LASP1: variants seen among roughly 807,000 people sequenced by gnomAD.
LASP1 encodes the protein LIM and SH3 domain protein 1.
A neutral mutation model predicts 38.6 loss-of-function variants in LASP1; 10 were observed. That is an observed-to-expected ratio of 0.26 (90% CI 0.16 to 0.44). LASP1 has a LOEUF of 0.44. Among genes scored for constraint, LASP1 ranks in the 20% least tolerant of loss-of-function variants. The pLI is 1.00. For missense variants in LASP1, 243 were observed against 375.7 expected (o/e 0.65, Z 2.92); for synonymous variants, 132 against 140.8 (o/e 0.94, Z 0.44).
At chr17:38,872,332 G>A (rs1465297015) in intron 1 of LASP1, among the ~76,000 whole-genome samples, 1 of 152,120 alleles carries the variant, frequency 6.6e-6, no homozygotes, top group East Asian at 1.9e-4. Flanking sequence ...CCGTGTACCC[G>A]AGGGGAGGGG....
intron 3 of LASP1, among the ~76,000 whole-genome samples, chr17:38,897,919 G>T (rs771564472): frequency 8.5e-5 from 13 of 152,324 alleles, no homozygotes; most frequent in Non-Finnish European, 1.6e-4. Context: ...CTAACATGAG[G>T]GCTGGGGCCA....
At chr17:38,871,416 C>T (rs945992071) in intron 1 of LASP1, among the ~76,000 whole-genome samples, 1 of 152,094 alleles carries the variant, frequency 6.6e-6, no homozygotes, top group African/African-American at 2.4e-5. Flanking sequence ...GTCTTTCATC[C>T]ACCACCCAAA....
Position 38,878,079 on chromosome 17 carries a change from T to A in LASP1, c.70-7T>A. 5.0e-6 allele frequency: 8 copies of A among 1,608,734 alleles called. No homozygotes were observed. The highest frequency in any genetic ancestry group is 6.8e-6 in the Non-Finnish European group (8 of 1,175,202). On this transcript the variant is annotated splice_region_variant and splice_polypyrimidine_tract_variant and intron_variant, in intron 1 of 6. Transcript: ENST00000318008. ...TCTGATGTATGTCCTCCTGTCTCCATCCCCAGTTCTGGCATAAAGCATGCT... is the reference window on the plus strand; with the variant it reads ...TCTGATGTATGTCCTCCTGTCTCCAACCCCAGTTCTGGCATAAAGCATGCT...
chr17:38,912,419 AGTAGGGCCAGGGTGCCACAGGGTCAGG>A (rs1297758233), intron 4 of LASP1, among the ~76,000 whole-genome samples: 5 of 149,948 alleles, frequency 3.3e-5, no homozygotes, highest in African/African-American at 1.2e-4. Flanking sequence ...ATAGGGTCAG[AGTAGGGCCAGGGTGCCACAGGGTCAGG>A]GTAGGGCCAG....
intron 2 of LASP1, 67 bp from the exon 3 acceptor site, chr17:38,890,351 CTG>C: frequency 7.0e-7 from 1 of 1,437,646 alleles, no homozygotes; most frequent in Admixed American, 1.7e-5. Flanking sequence ...AGGGCATGCT[CTG>C]TGAGAAGCCC....
chr17:38,900,197 C>CAAAAAAAAA (rs56008544), intron 4 of LASP1, among the ~76,000 whole-genome samples: 22 of 67,558 alleles, frequency 3.3e-4, no homozygotes, highest in East Asian at 4.6e-4. Context: ...ACTGTTTCTA[C>CAAAAAAAAA]AAAAAAAAAA....
At chr17:38,876,552 C>G (rs373332483) in intron 1 of LASP1, among the ~76,000 whole-genome samples, 1 of 151,236 alleles carries the variant, frequency 6.6e-6, no homozygotes, top group Non-Finnish European at 1.5e-5. Flanking sequence ...TTAGTAGATA[C>G]GGGGTTTCAC....
chr17:38,913,669 C>G (rs565158336), intron 4 of LASP1, among the ~76,000 whole-genome samples: 4 of 151,950 alleles, frequency 2.6e-5, no homozygotes, highest in African/African-American at 9.7e-5. Context: ...TGGACCCAGG[C>G]GGAAACAGAG....
chr17:38,871,397 C>T (rs989102761), intron 1 of LASP1, among the ~76,000 whole-genome samples: 2 of 151,982 alleles, frequency 1.3e-5, no homozygotes, highest in Non-Finnish European at 2.9e-5. Flanking sequence ...TTGTGCCCTT[C>T]CTCACCGCGT....
chr17:38,904,127 G>A (rs1914715249), intron 4 of LASP1, among the ~76,000 whole-genome samples: 1 of 152,090 alleles, frequency 6.6e-6, no homozygotes, highest in Non-Finnish European at 1.5e-5. Flanking sequence ...CACCAGGCAG[G>A]TATACCATAC....
In LASP1 at chr17:38,905,941, T is replaced by A. The variant is rs144550214; in HGVS notation, c.357+7422T>A. Among the ~76,000 whole-genome samples, 1,459 of 152,222 alleles carry A rather than the reference T, an allele frequency of 9.6e-3. 21 individuals are homozygous for A. The highest frequency in any genetic ancestry group is 0.033 in the African/African-American group (1,367 of 41,532). On this transcript the variant is annotated intron_variant, in intron 4 of 6. Transcript: ENST00000318008. ...CGTGCATGGTGGCATCCACCTGTAG[T>A]CCCAGCTACTCGAGCGGCTGAGGTG...
rs1915294979 is a variant in LASP1 at position 38,921,425 on chromosome 17, T to TC, written c.*2653dup. The TC allele has an allele frequency of 4.3e-6, 1 of 232,406 alleles. No individual in the cohort carries two copies. Among genetic ancestry groups the TC allele is most frequent in the East Asian group, 6.1e-5 (1 of 16,424 alleles). 14.4% of individuals were successfully genotyped at this position (232,406 alleles called of 1,614,324 possible). ...GACTTTATTGCTTAATTTCTGCCTT[T>TC]CCCCCCTCACACATGCACTTTTGGG... On this transcript the variant is annotated 3_prime_UTR_variant, in exon 7 of 7. Coordinates refer to ENST00000318008, the MANE Select transcript of LASP1 (RefSeq NM_006148.4).
At chr17:38,887,442 G>A (rs921098773) in intron 2 of LASP1, among the ~76,000 whole-genome samples, 1 of 152,206 alleles carries the variant, frequency 6.6e-6, no homozygotes, top group Non-Finnish European at 1.5e-5. Context: ...AATTGTACAG[G>A]AACTTTGAAG....
intron 1 of LASP1, 40 bp from the exon 2 acceptor site, chr17:38,878,046 T>C (rs1456936760): frequency 6.7e-7 from 1 of 1,495,520 alleles, no homozygotes; most frequent in Non-Finnish European, 9.3e-7. Context: ...TTTTCAGAAG[T>C]CCTGGTATCT....
At chr17:38,887,136 A>G (rs1425625368) in intron 2 of LASP1, among the ~76,000 whole-genome samples, 1 of 152,070 alleles carries the variant, frequency 6.6e-6, no homozygotes. Flanking sequence ...AGCCCTCCCC[A>G]TCAAATGCTA....
At chr17:38,896,851 A>G (rs1914504185) in intron 3 of LASP1, 2 of 937,210 alleles carry the variant, frequency 2.1e-6, no homozygotes, top group Middle Eastern at 5.4e-4. Flanking sequence ...CTTGGTGATA[A>G]GAAGCCCCCT....
chr17:38,871,133 A>C, intron 1 of LASP1, among the ~76,000 whole-genome samples: 1 of 126,880 alleles, frequency 7.9e-6, no homozygotes, highest in Non-Finnish European at 1.7e-5. Flanking sequence ...AAGCCGAGGA[A>C]AGGGGGAGGT....
At chr17:38,917,186 G>T (rs1915156397) in intron 6 of LASP1, among the ~76,000 whole-genome samples, 1 of 152,180 alleles carries the variant, frequency 6.6e-6, no homozygotes, top group African/African-American at 2.4e-5. Context: ...TCAGGAGGCT[G>T]TTGCAGGATA....
chr17:38,890,396 C>G (rs1217120064), intron 2 of LASP1, 24 bp from the exon 3 acceptor site: 2 of 1,602,208 alleles, frequency 1.2e-6, no homozygotes, highest in Non-Finnish European at 1.7e-6. Context: ...GAGTCACCCC[C>G]ACTCTGTTTT....
Sources: gnomAD v4.1 joint callset for allele counts (sites outside exome capture counted in the v4.1 genomes callset) on GRCh38, gnomAD v4.1.1 for gene constraint, MANE v1.5 for transcripts, NCBI Gene and HGNC (gene_info 2026-07-23, HGNC 2026-07-21) for gene names.